RNF157: variants seen among roughly 807,000 people sequenced by gnomAD.
RNF157 encodes the protein ring finger protein 157.
Under a neutral mutation model 88.3 loss-of-function variants are expected in RNF157, and 55 were observed. The observed-to-expected ratio is 0.62, with a 90% CI of 0.50 to 0.78. The LOEUF (loss-of-function observed/expected upper bound fraction) is 0.78. Ranked by LOEUF, RNF157 falls within the 30% of genes least tolerant of loss-of-function variation. The pLI, the probability that RNF157 is intolerant of heterozygous loss-of-function variation, is 0.00. For missense variants in RNF157, 788 were observed against 860.8 expected, an observed-to-expected ratio of 0.92 and a Z score of 1.06; for synonymous variants, 334 against 341.2, an observed-to-expected ratio of 0.98 and a Z score of 0.23.
chr17:76,156,216 G>A lies in RNF157; in HGVS notation c.1519C>T (p.Pro507Ser). Residue 507 changes from proline to serine, a missense_variant, in exon 14 of 19, where the codon CCA becomes TCA. Physicochemically the swap from Pro to Ser is moderately conservative, Grantham distance 74 (BLOSUM62 -1). Transcript: ENST00000269391. ...GTPLSSTISS[P>S]EGPASSSLAQ... ...CTCCCCGCTCCTTATGTACCTTCTG[G>A]GGAGGAAATAGTGGATGACAGAGGC... The A allele has an allele frequency of 6.2e-7, 1 of 1,612,860 alleles. No individual in the cohort carries two copies.
intron 2 of RNF157, among the ~76,000 whole-genome samples, chr17:76,191,903 T>G (rs2069392819): frequency 6.6e-6 from 1 of 152,218 alleles, no homozygotes; most frequent in Non-Finnish European, 1.5e-5. Context: ...GGGACAAAAT[T>G]TACGTGTAAT....
intron 16 of RNF157, 156 bp from the exon 17 acceptor site, chr17:76,154,484 G>A: frequency 1.5e-6 from 1 of 648,882 alleles, no homozygotes; most frequent in Non-Finnish European, 2.8e-6. Context: ...CAGAGGCTGA[G>A]TAGAGGCAGA....
At chr17:76,153,886 C>A in intron 17 of RNF157, 1 of 179,018 alleles carries the variant, frequency 5.6e-6, no homozygotes, top group Non-Finnish European at 1.2e-5. Context: ...CCTCCCCCTC[C>A]CCCCAGTGGA....
intron 1 of RNF157, chr17:76,226,613 T>C: frequency 1.2e-6 from 2 of 1,613,368 alleles, no homozygotes; most frequent in Non-Finnish European, 1.7e-6. Context: ...GACCAACCCA[T>C]CCACAGTCAG....
chr17:76,152,017 T>C (rs2068685480), intron 18 of RNF157, among the ~76,000 whole-genome samples: 1 of 152,162 alleles, frequency 6.6e-6, no homozygotes, highest in Non-Finnish European at 1.5e-5. Flanking sequence ...GTCTGTCTGC[T>C]CAAACTTCCT....
intron 2 of RNF157, among the ~76,000 whole-genome samples, chr17:76,186,518 A>G (rs1444623577): frequency 6.6e-6 from 1 of 152,010 alleles, no homozygotes; most frequent in Non-Finnish European, 1.5e-5. Context: ...AAAACAAAAA[A>G]CAAAACGAAA....
At chr17:76,232,252 G>A (rs997287810) in intron 1 of RNF157, among the ~76,000 whole-genome samples, 3 of 152,118 alleles carry the variant, frequency 2.0e-5, no homozygotes, top group Non-Finnish European at 2.9e-5. Flanking sequence ...GATGGGAGTG[G>A]TGGCATGTGC....
At chr17:76,236,773 G>A (rs2070289513) in intron 1 of RNF157, among the ~76,000 whole-genome samples, 1 of 152,148 alleles carries the variant, frequency 6.6e-6, no homozygotes, top group South Asian at 2.1e-4. Context: ...TGCATGCAGA[G>A]GAATACTATA....
chr17:76,157,015 G>A lies in RNF157; in HGVS notation c.1414-694C>T, dbSNP rs1017503903. Among the ~76,000 whole-genome samples, 1 of 151,162 alleles carries A rather than the reference G, an allele frequency of 6.6e-6. No individual in the cohort carries two copies. Among genetic ancestry groups the A allele is most frequent in the Non-Finnish European group, 1.5e-5 (1 of 67,916 alleles). On this transcript the variant is annotated intron_variant, in intron 13 of 18. Transcript: ENST00000269391. This position sits in a 1 kb window ranked among gnomAD's most constrained non-coding sequence, Gnocchi z 5.6. ...CTCGCTCTGTTGCCCAGCCCAGGCT[G>A]GAGTGCAGTGGTGCGGTCTTGGCTC...
At chr17:76,184,053 C>T (rs2069241196) in intron 2 of RNF157, among the ~76,000 whole-genome samples, 1 of 151,908 alleles carries the variant, frequency 6.6e-6, no homozygotes, top group Admixed American at 6.6e-5. Flanking sequence ...TAGCCAGGCA[C>T]AGCGGCACGC....
intron 1 of RNF157, chr17:76,226,888 C>A: frequency 8.5e-7 from 1 of 1,181,562 alleles, no homozygotes; most frequent in African/African-American, 1.5e-5. Context: ...CTGCTGAATG[C>A]CGTGGGAAGC....
At position 76,240,264 on chromosome 17, in the gene RNF157, C is replaced by G. The variant is rs1430434905; in HGVS notation, c.-24G>C. 8.8e-7 allele frequency: 1 copy of G among 1,132,902 alleles called. No homozygotes were observed. The highest frequency in any genetic ancestry group is 3.6e-5 in the South Asian group (1 of 27,502). 70.2% of individuals were successfully genotyped at this position (1,132,902 alleles called of 1,614,324 possible). A position where few individuals can be genotyped will look rare whatever the true frequency, so the allele number is the denominator to read the frequency against. ...ATGGCCGCTGCGGCTGCAGCCCCGG[C>G]CCGGCCCCGGTGCCCGCGCCGCCCT... On this transcript the variant is annotated 5_prime_UTR_variant, in exon 1 of 19. Transcript: ENST00000269391. The surrounding 1 kb of genome is among the most constrained non-coding windows in gnomAD (Gnocchi z 4.4).
At position 76,212,549 on chromosome 17, in the gene RNF157, A is replaced by AG. The variant is rs112968005; in HGVS notation, c.89-68_89-67insC. The AG allele has an allele frequency of 4.9e-5, 52 of 1,069,298 alleles. No homozygotes were observed. In the African/African-American group the frequency reaches 8.2e-4, roughly 17 times the overall value. 66.2% of individuals were successfully genotyped at this position (1,069,298 alleles called of 1,614,324 possible). A position where few individuals can be genotyped will look rare whatever the true frequency, so the allele number is the denominator to read the frequency against. The stretch of plus-strand genomic sequence containing the variant: ...AGTCAACCTAAATCTAGTAAAAAAA[A>AG]AAAGCTGATTTTTAAAATGTTAACC... On this transcript the variant is annotated intron_variant, in intron 1 of 18. Transcript: ENST00000269391.
At chr17:76,196,976 C>T (rs1011110004) in intron 2 of RNF157, among the ~76,000 whole-genome samples, 1 of 152,242 alleles carries the variant, frequency 6.6e-6, no homozygotes, top group Admixed American at 6.5e-5. Flanking sequence ...CTGTCTTCCT[C>T]ATCTCTAGAG....
intron 1 of RNF157, among the ~76,000 whole-genome samples, chr17:76,231,018 A>C (rs983465061): frequency 6.6e-6 from 1 of 150,948 alleles, no homozygotes; most frequent in Non-Finnish European, 1.5e-5. Flanking sequence ...AGTCCACTGC[A>C]GCCTTGACCT....
In RNF157 at chr17:76,164,796, C is replaced by G. The variant is rs1477485234; in HGVS notation, c.673-1G>C. 1 of 1,609,272 alleles carries G rather than the reference C, an allele frequency of 6.2e-7. No individual in the cohort carries two copies. Among genetic ancestry groups the G allele is most frequent in the South Asian group, 1.1e-5 (1 of 90,776 alleles). On this transcript the variant is annotated splice_acceptor_variant, in intron 7 of 18. Coordinates refer to ENST00000269391, the MANE Select transcript of RNF157 (RefSeq NM_052916.3). LOFTEE classifies it high-confidence loss of function. ...TGACACAGAAAGTTCCATCTGTGTG[C>G]TGGAATGAAAATATGAAAGTTATGA...
chr17:76,194,633 T>C (rs2069442822), intron 2 of RNF157, among the ~76,000 whole-genome samples: 1 of 152,240 alleles, frequency 6.6e-6, no homozygotes, highest in Non-Finnish European at 1.5e-5. Context: ...CGATTAGGTT[T>C]CCTTCCAGTT....
intron 2 of RNF157, among the ~76,000 whole-genome samples, chr17:76,204,977 G>A (rs1010130391): frequency 6.6e-6 from 1 of 151,564 alleles, no homozygotes; most frequent in African/African-American, 2.4e-5. Flanking sequence ...TAGAGGCAGG[G>A]TTTCACCATG....
In RNF157 at chr17:76,157,002, C is replaced by T. The variant is rs2068776325; in HGVS notation, c.1414-681G>A. On this transcript the variant is annotated intron_variant, in intron 13 of 18. Transcript: ENST00000269391. This position sits in a 1 kb window ranked among gnomAD's most constrained non-coding sequence, Gnocchi z 5.6. ...TTTGAGATGGAGTCTCGCTCTGTTG[C>T]CCAGCCCAGGCTGGAGTGCAGTGGT... Among the ~76,000 whole-genome samples, 1 of 151,394 alleles carries T rather than the reference C, an allele frequency of 6.6e-6. No individual in the cohort carries two copies. Among genetic ancestry groups the T allele is most frequent in the East Asian group, 1.9e-4 (1 of 5,142 alleles).
Sources: gnomAD v4.1 joint callset for allele counts (sites outside exome capture counted in the v4.1 genomes callset) on GRCh38, gnomAD v4.1.1 for gene constraint, Gnocchi (gnomAD v3.1) non-coding constraint, MANE v1.5 for transcripts, NCBI Gene and HGNC (gene_info 2026-07-23, HGNC 2026-07-21) for gene names.